Variants in KCNN2 observed in about 807,000 individuals in gnomAD.
The protein encoded by KCNN2 is potassium calcium-activated channel subfamily N member 2.
In KCNN2, 24 loss-of-function variants were observed where a neutral mutation model predicts 55.5. That is an observed-to-expected ratio of 0.43 (90% CI 0.31 to 0.61). The LOEUF (loss-of-function observed/expected upper bound fraction) is 0.61, where lower values mean the gene tolerates loss of function less well. Among genes scored for constraint, KCNN2 ranks in the 20% least tolerant of loss-of-function variants. KCNN2 has a pLI of 0.08. For synonymous variants in KCNN2, 431 were observed against 336.1 expected (o/e 1.28, Z -3.09); for missense variants, 754 against 853.6 (o/e 0.88, Z 1.45).
At position 114,362,837 on chromosome 5, in the gene KCNN2, G is replaced by A. The variant is rs756620223; in HGVS notation, c.698G>A (p.Arg233His). The stretch of plus-strand genomic sequence containing the variant: ...CCGCTCAGCAACTTGAGCGCGTCCC[G>A]CCGGAACCTGCACGAGATGGACTCA... Reference protein sequence around the residue: ...MRPLSNLSASRRNLHEMDSEA... With the variant: ...MRPLSNLSASHRNLHEMDSEA... The change falls in exon 1 of 8, where the codon CGC becomes CAC. Residue 233 changes from arginine (R) to histidine (H), a missense_variant. By Grantham distance (29) the Arg-to-His change is conservative. Transcript: ENST00000673685. 6.3e-7 allele frequency: 1 copy of A among 1,599,908 alleles called. No individual in the cohort carries two copies. The highest frequency in any genetic ancestry group is 8.5e-7 in the Non-Finnish European group (1 of 1,178,572).
Position 114,385,519 on chromosome 5 carries a change from G to GCGCACA in KCNN2, c.1219-18918_1219-18917insGCACAC, listed in dbSNP as rs1458678711. 9.6e-3 allele frequency among the ~76,000 whole-genome samples: 1,378 copies of GCGCACA among 143,438 alleles called. 14 individuals are homozygous for GCGCACA. The highest frequency in any genetic ancestry group is 0.023 in the African/African-American group (855 of 37,872). 94.1% of individuals were successfully genotyped at this position (143,438 alleles called of 152,430 possible). On this transcript the variant is annotated intron_variant, in intron 2 of 7. Coordinates refer to ENST00000673685, the MANE Select transcript of KCNN2 (RefSeq NM_021614.4). ...TTATTGACAGCATACACACATGCGC[G>GCGCACA]CACACACACACACACACACACACAC...
chr5:114,396,767 G>A (rs1758633167), intron 2 of KCNN2, among the ~76,000 whole-genome samples: 1 of 151,952 alleles, frequency 6.6e-6, no homozygotes, highest in East Asian at 1.9e-4. Flanking sequence ...GGATGGTCTC[G>A]AACTCCTGAC....
At chr5:114,445,310 C>T (rs568258434) in intron 3 of KCNN2, among the ~76,000 whole-genome samples, 1 of 152,242 alleles carries the variant, frequency 6.6e-6, no homozygotes, top group South Asian at 2.1e-4. Context: ...TGCCTTACCT[C>T]CGTTTACTAA....
intron 1 of KCNN2, among the ~76,000 whole-genome samples, chr5:114,077,241 C>G (rs1222881359): frequency 2.0e-5 from 3 of 152,232 alleles, no homozygotes; most frequent in Non-Finnish European, 4.4e-5. Context: ...TGGAATGGGA[C>G]TTTCAGTGGA....
intron 2 of KCNN2, among the ~76,000 whole-genome samples, chr5:114,296,986 T>C (rs1283727297): frequency 1.3e-5 from 2 of 152,212 alleles, no homozygotes; most frequent in African/African-American, 4.8e-5. Context: ...ATTTCCTCCT[T>C]AGCTACTTGC....
intron 1 of KCNN2, among the ~76,000 whole-genome samples, chr5:114,108,586 G>T (rs1424202925): frequency 1.3e-5 from 2 of 151,882 alleles, no homozygotes; most frequent in Non-Finnish European, 2.9e-5. Flanking sequence ...TCCTTTTCCT[G>T]AACTTCAACA....
rs1757464842 is a variant in KCNN2, at chr5:114,362,618, G to A, written c.479G>A (p.Cys160Tyr). 1.0e-6 allele frequency: 1 copy of A among 1,003,852 alleles called. No individual in the cohort carries two copies. Among genetic ancestry groups the A allele is most frequent in the Non-Finnish European group, 1.4e-6 (1 of 712,592 alleles). The allele number at this position is 1,003,852 out of a possible 1,614,324, so 62.2% of individuals were successfully genotyped here. The change falls in exon 1 of 8, where the codon TGC becomes TAC. Residue 160 changes from cysteine to tyrosine, a missense_variant. By Grantham distance (194) the Cys-to-Tyr change is radical (BLOSUM62 -2). This residue lies in a region of KCNN2 where 381 missense variants were observed against 259.1 expected (regional missense o/e 1.47). Transcript: ENST00000673685. ...QSASASQYHQ[C>Y]HSLQPAASPT... ...GCGTCCGCCTCCCAGTACCACCAGTGCCACAGCCTGCAGCCCGCCGCCAGC... is the reference window on the plus strand; with the variant it reads ...GCGTCCGCCTCCCAGTACCACCAGTACCACAGCCTGCAGCCCGCCGCCAGC...
intron 2 of KCNN2, among the ~76,000 whole-genome samples, chr5:114,402,421 T>C (rs1374784954): frequency 6.6e-6 from 1 of 152,130 alleles, no homozygotes; most frequent in East Asian, 1.9e-4. Flanking sequence ...TGTTTGGGTG[T>C]TTTGTTTTTA....
intron 3 of KCNN2, among the ~76,000 whole-genome samples, chr5:114,440,208 G>C (rs1253655451): frequency 2.0e-5 from 3 of 152,116 alleles, no homozygotes; most frequent in Non-Finnish European, 2.9e-5. Flanking sequence ...GAAAAAACTT[G>C]CCACAATGAT....
chr5:114,324,032 C>A (rs1484895640), intron 2 of KCNN2, among the ~76,000 whole-genome samples: 5 of 152,070 alleles, frequency 3.3e-5, no homozygotes, highest in Admixed American at 3.3e-4. Context: ...TAATTATAAA[C>A]CAAATCTTCC....
intron 1 of KCNN2, among the ~76,000 whole-genome samples, chr5:114,134,114 G>A (rs1461966606): frequency 2.0e-5 from 3 of 151,888 alleles, no homozygotes; most frequent in Non-Finnish European, 4.4e-5. Flanking sequence ...TATTTTACCA[G>A]CCCCCACTTC....
intron 1 of KCNN2, among the ~76,000 whole-genome samples, chr5:114,131,278 C>T (rs1752067430): frequency 6.6e-6 from 1 of 152,156 alleles, no homozygotes; most frequent in African/African-American, 2.4e-5. Flanking sequence ...TGATGCTCTT[C>T]ACCCCTGCCA....
At chr5:114,100,393 T>C (rs917475988) in intron 1 of KCNN2, among the ~76,000 whole-genome samples, 8 of 152,144 alleles carry the variant, frequency 5.3e-5, no homozygotes, top group African/African-American at 1.9e-4. Context: ...GTTGGAATAG[T>C]ATTGCTGGGT....
chr5:114,289,623 C>T (rs1267557397), intron 2 of KCNN2, among the ~76,000 whole-genome samples: 2 of 152,106 alleles, frequency 1.3e-5, no homozygotes, highest in South Asian at 2.1e-4. Flanking sequence ...GTGATCTGCC[C>T]GCCTTGGCCT....
intron 2 of KCNN2, among the ~76,000 whole-genome samples, chr5:114,244,898 T>C (rs1210375891): frequency 1.3e-5 from 2 of 152,168 alleles, no homozygotes; most frequent in African/African-American, 4.8e-5. Context: ...CTTTTGGAGC[T>C]TCTAGAACTG....
At chr5:114,276,754 A>G (rs1317186576) in intron 2 of KCNN2, among the ~76,000 whole-genome samples, 1 of 150,100 alleles carries the variant, frequency 6.7e-6, no homozygotes, top group Non-Finnish European at 1.5e-5. Flanking sequence ...GGGTCTCCTG[A>G]ATACAGCACA....
chr5:114,445,317 C>G (rs1193713117), intron 3 of KCNN2, among the ~76,000 whole-genome samples: 1 of 151,810 alleles, frequency 6.6e-6, no homozygotes, highest in Non-Finnish European at 1.5e-5. Context: ...CCTCCGTTTA[C>G]TAAGAAAAAA....
chr5:114,452,952 T>C (rs1749694759), intron 3 of KCNN2, among the ~76,000 whole-genome samples: 1 of 152,246 alleles, frequency 6.6e-6, no homozygotes, highest in African/African-American at 2.4e-5. Flanking sequence ...GAAAACTACA[T>C]GCACATAGTT....
intron 4 of KCNN2, among the ~76,000 whole-genome samples, chr5:114,469,026 G>A (rs1267710872): frequency 6.6e-6 from 1 of 152,174 alleles, no homozygotes; most frequent in Non-Finnish European, 1.5e-5. Context: ...ATGGCTTACA[G>A]TTTCTGCGCT....
Sources: allele counts gnomAD v4.1 joint callset (sites outside exome capture counted in the v4.1 genomes callset), GRCh38; gene constraint gnomAD v4.1.1; regional missense constraint gnomAD v4.1.1; transcripts MANE v1.5; gene names NCBI Gene and HGNC (gene_info 2026-07-23, HGNC 2026-07-21).